Variants in HNRNPLL observed in about 807,000 individuals in gnomAD.
HNRNPLL encodes the protein heterogeneous nuclear ribonucleoprotein L like, also known as heterogeneous nuclear ribonucleoprotein L-like.
HNRNPLL carries 25 observed loss-of-function variants against 67.1 expected under a neutral mutation model. The ratio of observed to expected loss-of-function variants is 0.37; its 90% CI spans 0.27 to 0.52. The LOEUF (loss-of-function observed/expected upper bound fraction) is 0.52. Among genes scored for constraint, HNRNPLL ranks in the 20% least tolerant of loss-of-function variants. HNRNPLL has a pLI of 0.90. For synonymous variants in HNRNPLL, 267 were observed against 241.7 expected (o/e 1.10, Z -0.97); for missense variants, 542 against 673.9 (o/e 0.80, Z 2.17).
chr2:38,588,772 T>C (rs1039190050), intron 2 of HNRNPLL, among the ~76,000 whole-genome samples: 1 of 152,096 alleles, frequency 6.6e-6, no homozygotes, highest in Non-Finnish European at 1.5e-5. Flanking sequence ...CCAGGTGTGG[T>C]GGCTTGTGCC....
At chr2:38,571,200 G>A (rs534544689) in intron 8 of HNRNPLL, among the ~76,000 whole-genome samples, 152 of 152,136 alleles carry the variant, frequency 1.0e-3, no homozygotes, top group Non-Finnish European at 1.8e-3. Context: ...CTATGATAAA[G>A]TTTATAAATT....
At chr2:38,591,492 A>G in intron 2 of HNRNPLL, 38 bp downstream of exon 2, 1 of 1,025,814 alleles carries the variant, frequency 9.7e-7, no homozygotes, top group Non-Finnish European at 1.6e-6. Flanking sequence ...TTATTCTACC[A>G]CAGTTTTCAA....
chr2:38,577,564 AT>A, intron 6 of HNRNPLL, 32 bp from the exon 7 acceptor site: 1 of 1,400,628 alleles, frequency 7.1e-7, no homozygotes, highest in Non-Finnish European at 1.0e-6. Context: ...GGTTTTAACA[AT>A]TTTGACCCAA....
rs1412420324 is a variant in HNRNPLL, at chr2:38,602,590, C to T, written c.37G>A (p.Glu13Lys). Reference sequence around the variant, plus strand: ...TGGCTCTCGTACTCCCGGTCCTCCTCGTACGTCTCCCTGGGGGAGGAAGAG... The same window carrying T: ...TGGCTCTCGTACTCCCGGTCCTCCTTGTACGTCTCCCTGGGGGAGGAAGAG... ...SSSSSPRETY[E>K]EDREYESQAK... Residue 13 changes from glutamate (E) to lysine (K), a missense_variant, in exon 1 of 13, where the codon GAG becomes AAG. Physicochemically the swap from Glu to Lys is moderately conservative, Grantham distance 56 (BLOSUM62 1). This residue lies in a region of HNRNPLL where 127 missense variants were observed against 98.7 expected (regional missense o/e 1.29). Transcript: ENST00000449105. The T allele has an allele frequency of 6.4e-7, 1 of 1,572,190 alleles. No homozygotes were observed.
chr2:38,570,450 A>G (rs1260078499), intron 8 of HNRNPLL, among the ~76,000 whole-genome samples: 1 of 152,216 alleles, frequency 6.6e-6, no homozygotes, highest in African/African-American at 2.4e-5. Context: ...TTAATGCAGT[A>G]AACAAGATGC....
intron 10 of HNRNPLL, among the ~76,000 whole-genome samples, 190 bp downstream of exon 10, chr2:38,568,943 C>T (rs137999073): frequency 2.0e-5 from 3 of 152,010 alleles, no homozygotes; most frequent in Non-Finnish European, 2.9e-5. Flanking sequence ...CACAAATCAA[C>T]GAAGCCCAAT....
chr2:38,575,324 TA>T (rs1666259148), intron 7 of HNRNPLL, among the ~76,000 whole-genome samples: 1 of 151,850 alleles, frequency 6.6e-6, no homozygotes, highest in Non-Finnish European at 1.5e-5. Context: ...TTCAAATATT[TA>T]AAAAACTGAC....
rs751249293 is a variant in HNRNPLL at position 38,569,340 on chromosome 2, G to C, written c.1215-6C>G. The stretch of plus-strand genomic sequence containing the variant: ...CTGAATGTTGTTTAGACACGCTAAA[G>C]ATTGTAAAGAAAAGACATACAAAAG... On this transcript the variant is annotated splice_region_variant and splice_polypyrimidine_tract_variant and intron_variant, in intron 9 of 12. Coordinates refer to ENST00000449105, the MANE Select transcript of HNRNPLL (RefSeq NM_138394.4). The C allele has an allele frequency of 2.5e-6, 4 of 1,591,354 alleles. No homozygotes were observed. The highest frequency in any genetic ancestry group is 2.2e-5 in the East Asian group (1 of 44,602).
intron 2 of HNRNPLL, among the ~76,000 whole-genome samples, chr2:38,589,747 T>A (rs367728787): frequency 6.6e-6 from 1 of 152,222 alleles, no homozygotes; most frequent in Non-Finnish European, 1.5e-5. Context: ...CTTCATGTCA[T>A]GGTACTAATT....
At position 38,562,278 on chromosome 2, in the gene HNRNPLL, G is replaced by A. The variant is rs1665702220; in HGVS notation, c.*1904C>T. 6.6e-6 allele frequency: 1 copy of A among 152,070 alleles called. No homozygotes were observed. Among genetic ancestry groups the A allele is most frequent in the African/African-American group, 2.4e-5 (1 of 41,412 alleles). The allele number at this position is 152,070 out of a possible 1,614,324, so 9.4% of individuals were successfully genotyped here. On this transcript the variant is annotated 3_prime_UTR_variant, in exon 13 of 13. Coordinates refer to ENST00000449105, the MANE Select transcript of HNRNPLL (RefSeq NM_138394.4). ...ACCAGTGTATAAATCTATCAGCAAGGCCCAACTTACCAACTAGTTTACTCC... is the reference window on the plus strand; with the variant it reads ...ACCAGTGTATAAATCTATCAGCAAGACCCAACTTACCAACTAGTTTACTCC...
intron 2 of HNRNPLL, among the ~76,000 whole-genome samples, chr2:38,590,149 A>T (rs763248393): frequency 1.4e-4 from 21 of 152,224 alleles, no homozygotes; most frequent in South Asian, 8.3e-4. Context: ...TGTACATCCA[A>T]GGTTAACGTG....
intron 6 of HNRNPLL, among the ~76,000 whole-genome samples, chr2:38,578,280 A>G (rs1001038161): frequency 3.9e-5 from 6 of 152,082 alleles, no homozygotes; most frequent in African/African-American, 9.7e-5. Context: ...CGTTTTCAGA[A>G]AAGGCATGCC....
At chr2:38,583,200 AT>A (rs1210019473) in intron 4 of HNRNPLL, among the ~76,000 whole-genome samples, 1 of 152,226 alleles carries the variant, frequency 6.6e-6, no homozygotes, top group Admixed American at 6.5e-5. Context: ...TCTTAAAAAA[AT>A]AAAATCACAA....
intron 10 of HNRNPLL, 72 bp from the exon 11 acceptor site, chr2:38,568,515 T>G: frequency 2.1e-6 from 2 of 958,524 alleles, no homozygotes; most frequent in East Asian, 4.9e-5. Context: ...GAAAGTAAAC[T>G]TTATGGCAGA....
chr2:38,569,246 T>C lies in HNRNPLL; in HGVS notation c.1303A>G (p.Asn435Asp). ...TGGCCAGCACTTGTAAAGCGATTAT[T>C]TTTGCTCATTGCAAAATCTTTGTAG... is the stretch of plus-strand genomic sequence containing the variant. ...SSYKDFAMSK[N>D]NRFTSAGQAS... The change falls in exon 10 of 13, where the codon AAT (asparagine) becomes GAT (aspartate). Residue 435 changes from asparagine (N) to aspartate (D), a missense_variant. Coordinates refer to ENST00000449105, the MANE Select transcript of HNRNPLL (RefSeq NM_138394.4). 1 of 1,613,366 alleles carries C rather than the reference T, an allele frequency of 6.2e-7. No individual in the cohort carries two copies. The highest frequency in any genetic ancestry group is 8.5e-7 in the Non-Finnish European group (1 of 1,179,398).
At chr2:38,596,293 C>T (rs900221037) in intron 1 of HNRNPLL, among the ~76,000 whole-genome samples, 10 of 151,416 alleles carry the variant, frequency 6.6e-5, no homozygotes, top group South Asian at 2.1e-4. Flanking sequence ...GACAGAGTCT[C>T]GCTCTATCAC....
intron 4 of HNRNPLL, among the ~76,000 whole-genome samples, chr2:38,583,232 C>G (rs1038728371): frequency 1.3e-5 from 2 of 152,036 alleles, no homozygotes; most frequent in African/African-American, 2.4e-5. Context: ...GGTAAAAAAA[C>G]AAAGATAAAA....
chr2:38,569,455 G>A, intron 9 of HNRNPLL, 121 bp from the exon 10 acceptor site: 3 of 653,550 alleles, frequency 4.6e-6, no homozygotes, highest in Non-Finnish European at 7.9e-6. Flanking sequence ...CATACATAGA[G>A]CTATTTAAAT....
At chr2:38,580,696 T>C (rs534408329) in intron 6 of HNRNPLL, among the ~76,000 whole-genome samples, 11 of 152,350 alleles carry the variant, frequency 7.2e-5, no homozygotes, top group African/African-American at 1.7e-4. Flanking sequence ...TATTCCAGAA[T>C]TGCCACACAG....
Sources: gnomAD v4.1 joint callset for allele counts (sites outside exome capture counted in the v4.1 genomes callset) on GRCh38, gnomAD v4.1.1 for gene constraint, gnomAD v4.1.1 regional missense constraint, MANE v1.5 for transcripts, NCBI Gene and HGNC (gene_info 2026-07-23, HGNC 2026-07-21) for gene names.